Variants in SPSB1 observed in about 807,000 individuals in gnomAD.
SPSB1 encodes the protein splA/ryanodine receptor domain and SOCS box containing 1.
In SPSB1, 8 loss-of-function variants were observed where a neutral mutation model predicts 21.2. The observed-to-expected ratio is 0.38, with a 90% confidence interval of 0.22 to 0.68. The LOEUF (loss-of-function observed/expected upper bound fraction) is 0.68, where lower values mean the gene tolerates loss of function less well. Ranked by LOEUF, SPSB1 falls within the 30% of genes least tolerant of loss-of-function variation. The pLI is 0.53. For synonymous variants in SPSB1, 169 were observed against 161.7 expected, an observed-to-expected ratio of 1.05 and a Z score of -0.34; for missense variants, 242 against 377.8, an observed-to-expected ratio of 0.64 and a Z score of 2.98.
intron 1 of SPSB1, among the ~76,000 whole-genome samples, chr1:9,319,471 T>G (rs536073): frequency 0.74 from 113,083 of 152,064 alleles, 43,436 homozygotes; most frequent in African/African-American, 0.91. Flanking sequence ...AGGGGTGGGA[T>G]GAGAGGCTCC....
chr1:9,348,673 C>T lies in SPSB1; in HGVS notation c.-149-7070C>T, dbSNP rs1557462138. On this transcript the variant is annotated intron_variant, in intron 1 of 2. Coordinates refer to ENST00000328089, the MANE Select transcript of SPSB1 (RefSeq NM_025106.4). This position sits in a 1 kb window ranked among gnomAD's most constrained non-coding sequence, Gnocchi z 4.8. ...TCTTCCTTCCTACTAAGATCTGGGG[C>T]CCCCAGCAAATCCAAAGATGGCCTT... 6.6e-6 allele frequency among the ~76,000 whole-genome samples: 1 copy of T among 152,118 alleles called. No homozygotes were observed. The highest frequency in any genetic ancestry group is 1.5e-5 in the Non-Finnish European group (1 of 68,024).
At position 9,346,967 on chromosome 1, in the gene SPSB1, T is replaced by C. The variant is rs868426045; in HGVS notation, c.-149-8776T>C. Among the ~76,000 whole-genome samples the C allele has an allele frequency of 3.3e-5, 5 of 152,246 alleles. 1 individual carries two copies. The highest frequency in any genetic ancestry group is 3.2e-3 in the Middle Eastern group (1 of 316). On this transcript the variant is annotated intron_variant, in intron 1 of 2. Coordinates refer to ENST00000328089, the MANE Select transcript of SPSB1 (RefSeq NM_025106.4). This position sits in a 1 kb window ranked among gnomAD's most constrained non-coding sequence, Gnocchi z 4.4. ...TTGGGATAGATCACTGTAGAAATAA[T>C]GTCCCTCTTCGGGATGGCCCCAAAG...
chr1:9,317,377 C>T lies in SPSB1; in HGVS notation c.-150+24306C>T, dbSNP rs1639633027. 6.6e-6 allele frequency among the ~76,000 whole-genome samples: 1 copy of T among 152,202 alleles called. No homozygotes were observed. The highest frequency in any genetic ancestry group is 6.5e-5 in the Admixed American group (1 of 15,288). ...TATATAGTAAGTGCTTGATAAAAGT[C>T]ATCACCGAAATCAATCTGACTCCAG... On this transcript the variant is annotated intron_variant, in intron 1 of 2. Coordinates refer to ENST00000328089, the MANE Select transcript of SPSB1 (RefSeq NM_025106.4). This position sits in a 1 kb window ranked among gnomAD's most constrained non-coding sequence, Gnocchi z 4.3.
In SPSB1 at chr1:9,293,313, G is replaced by A. The variant is rs1436509669; in HGVS notation, c.-150+242G>A. Among the ~76,000 whole-genome samples the A allele has an allele frequency of 3.4e-5, 5 of 149,114 alleles. No individual in the cohort carries two copies. The highest frequency in any genetic ancestry group is 1.3e-4 in the Admixed American group (2 of 15,056). On this transcript the variant is annotated intron_variant, in intron 1 of 2. Coordinates refer to ENST00000328089, the MANE Select transcript of SPSB1 (RefSeq NM_025106.4). The surrounding 1 kb of genome is among the most constrained non-coding windows in gnomAD (Gnocchi z 5.1). ...GCTCCTGGGAGAGGGGCCCAGGCCC[G>A]CCCCGCGCTGCCGCCGCTGCAGGGC...
Position 9,346,656 on chromosome 1 carries a change from G to A in SPSB1, c.-149-9087G>A, listed in dbSNP as rs187104153. Among the ~76,000 whole-genome samples the A allele has an allele frequency of 8.5e-5, 13 of 152,338 alleles. No individual in the cohort carries two copies. Among genetic ancestry groups the A allele is most frequent in the Admixed American group, 3.3e-4 (5 of 15,308 alleles). ...CGGCAGGTGCTGTGCAGTCTGGCCT[G>A]TCTCAGCCTCCCCCAGGGTCTGCTC... is the stretch of plus-strand genomic sequence containing the variant. On this transcript the variant is annotated intron_variant, in intron 1 of 2. Transcript: ENST00000328089. This position sits in a 1 kb window ranked among gnomAD's most constrained non-coding sequence, Gnocchi z 4.4.
rs369324091 is a variant in SPSB1 at position 9,305,941 on chromosome 1, G to A, written c.-150+12870G>A. On this transcript the variant is annotated intron_variant, in intron 1 of 2. Coordinates refer to ENST00000328089, the MANE Select transcript of SPSB1 (RefSeq NM_025106.4). The surrounding 1 kb of genome is among the most constrained non-coding windows in gnomAD (Gnocchi z 4.8). ...GGGTGCCCATGTGTGGCCAAAATGA[G>A]TGCAGAGAGGCAGGAGGGCCCACAG... Among the ~76,000 whole-genome samples, 8 of 152,210 alleles carry A rather than the reference G, an allele frequency of 5.3e-5. No homozygotes were observed. Among genetic ancestry groups the A allele is most frequent in the Non-Finnish European group, 1.0e-4 (7 of 68,034 alleles).
chr1:9,317,625 A>C lies in SPSB1; in HGVS notation c.-150+24554A>C, dbSNP rs1402213040. On this transcript the variant is annotated intron_variant, in intron 1 of 2. Coordinates refer to ENST00000328089, the MANE Select transcript of SPSB1 (RefSeq NM_025106.4). The surrounding 1 kb of genome is among the most constrained non-coding windows in gnomAD (Gnocchi z 4.3). ...GCTGGGACCTCAGGTATGCACTACC[A>C]CGCCCAGATATATATATATTTTTGT... Among the ~76,000 whole-genome samples, 7 of 152,010 alleles carry C rather than the reference A, an allele frequency of 4.6e-5. No homozygotes were observed. Among genetic ancestry groups the C allele is most frequent in the Admixed American group, 1.3e-4 (2 of 15,254 alleles).
intron 1 of SPSB1, among the ~76,000 whole-genome samples, chr1:9,314,536 G>A (rs989703752): frequency 5.9e-5 from 9 of 152,208 alleles, no homozygotes; most frequent in South Asian, 2.1e-4. Flanking sequence ...GCAGGTTAGC[G>A]AAAGGGAGAG....
At chr1:9,322,050 G>A (rs1408491363) in intron 1 of SPSB1, among the ~76,000 whole-genome samples, 1 of 152,172 alleles carries the variant, frequency 6.6e-6, no homozygotes, top group Non-Finnish European at 1.5e-5. Context: ...GGCAGGTGAT[G>A]TAAATATGTG....
intron 1 of SPSB1, among the ~76,000 whole-genome samples, chr1:9,295,212 G>A (rs1639198783): frequency 1.2e-5 from 1 of 81,368 alleles, no homozygotes; most frequent in South Asian, 3.5e-4. Flanking sequence ...GTGTGTGAGA[G>A]TGTGAGTGTG....
chr1:9,337,489 CTT>C (rs1640022327), intron 1 of SPSB1, among the ~76,000 whole-genome samples: 1 of 150,844 alleles, frequency 6.6e-6, no homozygotes, highest in South Asian at 2.1e-4. Flanking sequence ...AGGAAGCCCT[CTT>C]TGGGGGGATG....
chr1:9,299,289 C>T (rs182877807), intron 1 of SPSB1, among the ~76,000 whole-genome samples: 4 of 152,324 alleles, frequency 2.6e-5, no homozygotes, highest in Admixed American at 2.0e-4. Flanking sequence ...ATCAGCTCTC[C>T]AGCCCTATGT....
At chr1:9,351,851 G>A (rs72860876) in intron 1 of SPSB1, among the ~76,000 whole-genome samples, 65 of 152,354 alleles carry the variant, frequency 4.3e-4, no homozygotes, top group African/African-American at 1.5e-3. Context: ...CCACCTGGGA[G>A]GTGACTCAGA....
In SPSB1 at chr1:9,293,112, A is replaced by G. The variant is rs1639147517; in HGVS notation, c.-150+41A>G. The G allele has an allele frequency of 1.0e-6, 1 of 973,588 alleles. No individual in the cohort carries two copies. Among genetic ancestry groups the G allele is most frequent in the Admixed American group, 6.4e-5 (1 of 15,640 alleles). The allele number at this position is 973,588 out of a possible 1,614,324, so 60.3% of individuals were successfully genotyped here. A position where few individuals can be genotyped will look rare whatever the true frequency, so the allele number is the denominator to read the frequency against. On this transcript the variant is annotated intron_variant, in intron 1 of 2. Transcript: ENST00000328089. This position sits in a 1 kb window ranked among gnomAD's most constrained non-coding sequence, Gnocchi z 5.1. ...CACCTGGGACCCCGATGGGTGGGCG[A>G]CCGGCCCGGGAGGGGGAGGCGCGGG...
chr1:9,366,577 C>CTTTT (rs35877709), intron 2 of SPSB1, among the ~76,000 whole-genome samples: 2 of 135,542 alleles, frequency 1.5e-5, no homozygotes, highest in African/African-American at 5.5e-5. Context: ...GTCCTCAGTT[C>CTTTT]TTTTTTTTTT....
intron 1 of SPSB1, among the ~76,000 whole-genome samples, chr1:9,313,709 C>T (rs1255121562): frequency 6.6e-6 from 1 of 152,238 alleles, no homozygotes; most frequent in Non-Finnish European, 1.5e-5. Flanking sequence ...TAAGATTGAA[C>T]ATTCCCAGGA....
chr1:9,357,817 C>T (rs1204534397), intron 2 of SPSB1, among the ~76,000 whole-genome samples: 4 of 152,256 alleles, frequency 2.6e-5, no homozygotes, highest in East Asian at 1.9e-4. Context: ...GAGGGCCTGG[C>T]GTTGCAGAAC....
At chr1:9,329,600 A>G (rs961872023) in intron 1 of SPSB1, among the ~76,000 whole-genome samples, 2 of 151,784 alleles carry the variant, frequency 1.3e-5, no homozygotes, top group Admixed American at 6.6e-5. Flanking sequence ...AGGCTGAGGC[A>G]GGAGAATCCC....
rs543420504 is a variant in SPSB1 at position 9,319,101 on chromosome 1, C to G, written c.-150+26030C>G. 2.5e-3 allele frequency among the ~76,000 whole-genome samples: 387 copies of G among 152,188 alleles called. 1 individual carries two copies. The highest frequency in any genetic ancestry group is 4.6e-3 in the Non-Finnish European group (313 of 68,008). ...GCTGAGGTGGGAGAATTGCTTGAAC[C>G]TGGGAGGAGGCAGAGGTTGCAGTGA... On this transcript the variant is annotated intron_variant, in intron 1 of 2. Transcript: ENST00000328089.
Sources: allele counts gnomAD v4.1 joint callset (sites outside exome capture counted in the v4.1 genomes callset), GRCh38; gene constraint gnomAD v4.1.1; non-coding constraint Gnocchi (gnomAD v3.1); transcripts MANE v1.5; gene names NCBI Gene and HGNC (gene_info 2026-07-23, HGNC 2026-07-21).